Variants in TGFA observed in about 807,000 individuals in gnomAD.
The protein encoded by TGFA is protransforming growth factor alpha.
In TGFA, 12 loss-of-function variants were observed where a neutral mutation model predicts 21.7. The ratio of observed to expected loss-of-function variants is 0.55; its 90% confidence interval spans 0.35 to 0.90. The LOEUF (loss-of-function observed/expected upper bound fraction) is 0.90, where lower values mean the gene tolerates loss of function less well. Among genes scored for constraint, TGFA ranks in the 40% least tolerant of loss-of-function variants. TGFA has a pLI of 0.01. For synonymous variants in TGFA, 79 were observed against 88.1 expected, an observed-to-expected ratio of 0.90 and a Z score of 0.58; for missense variants, 178 against 210.8, an observed-to-expected ratio of 0.84 and a Z score of 0.96.
rs774574531 is a variant in TGFA, at chr2:70,449,853, C to T, written c.*1006G>A. The T allele has an allele frequency of 3.8e-4, 67 of 176,864 alleles. No homozygotes were observed. The highest frequency in any genetic ancestry group is 6.8e-4 in the Non-Finnish European group (56 of 82,580). 11.0% of individuals were successfully genotyped at this position (176,864 alleles called of 1,614,324 possible). On this transcript the variant is annotated 3_prime_UTR_variant, in exon 6 of 6. Transcript: ENST00000295400. Reference sequence around the variant, plus strand: ...CCGAGGGCTCACGAGGAAGTGAACCCATTTAATCACTGAGCAGTACAATAT... The same window carrying T: ...CCGAGGGCTCACGAGGAAGTGAACCTATTTAATCACTGAGCAGTACAATAT...
At chr2:70,518,860 G>A (rs1320878590) in intron 1 of TGFA, among the ~76,000 whole-genome samples, 3 of 152,170 alleles carry the variant, frequency 2.0e-5, no homozygotes, top group Non-Finnish European at 4.4e-5. Flanking sequence ...TTGCTTTCAG[G>A]CCCCTATGTA....
chr2:70,475,854 C>T (rs895358807), intron 2 of TGFA, among the ~76,000 whole-genome samples: 2 of 151,954 alleles, frequency 1.3e-5, no homozygotes, highest in African/African-American at 4.8e-5. Flanking sequence ...CTACCTCCCC[C>T]AAAAGGCACA....
intron 2 of TGFA, among the ~76,000 whole-genome samples, chr2:70,505,171 T>C (rs1671881902): frequency 6.6e-6 from 1 of 152,222 alleles, no homozygotes; most frequent in African/African-American, 2.4e-5. Context: ...TTGACCATTA[T>C]GTTTATTAAC....
intron 2 of TGFA, among the ~76,000 whole-genome samples, chr2:70,511,322 T>C (rs1365697495): frequency 9.2e-5 from 14 of 152,248 alleles, no homozygotes; most frequent in African/African-American, 3.1e-4. Flanking sequence ...TCACACCATT[T>C]ACATTTTTCT....
intron 3 of TGFA, among the ~76,000 whole-genome samples, chr2:70,460,601 G>A (rs1249089404): frequency 6.6e-6 from 1 of 152,188 alleles, no homozygotes; most frequent in Admixed American, 6.5e-5. Context: ...CTAGGACCAA[G>A]GGCACGTGTA....
In TGFA at chr2:70,449,184, TATAAAAAAAA is replaced by T. The variant is rs1456266878; in HGVS notation, c.*1665_*1674del. On this transcript the variant is annotated 3_prime_UTR_variant, in exon 6 of 6. Transcript: ENST00000295400. ...ACACGGGTCATAGAATTGTCTGAAT[TATAAAAAAAA>T]ATAAAGAGAAAATTCATAGAAATTG... 2 of 126,720 alleles carry T rather than the reference TATAAAAAAAA, an allele frequency of 1.6e-5. No homozygotes were observed. The highest frequency in any genetic ancestry group is 5.5e-5 in the African/African-American group (2 of 36,314). The allele number at this position is 126,720 out of a possible 1,614,324, so 7.8% of individuals were successfully genotyped here.
At chr2:70,521,055 G>A (rs1332387226) in intron 1 of TGFA, among the ~76,000 whole-genome samples, 2 of 151,824 alleles carry the variant, frequency 1.3e-5, no homozygotes, top group African/African-American at 4.8e-5. Context: ...CTCTCCCTGT[G>A]CTATCAAAAT....
At chr2:70,483,785 G>C (rs1671197263) in intron 2 of TGFA, among the ~76,000 whole-genome samples, 1 of 152,074 alleles carries the variant, frequency 6.6e-6, no homozygotes, top group Non-Finnish European at 1.5e-5. Context: ...CTGCCACCTA[G>C]GAGGCACTAA....
rs782601026 is a variant in TGFA, at chr2:70,465,736, G to T, written c.95C>A (p.Ala32Glu). The T allele has an allele frequency of 3.7e-6, 6 of 1,613,768 alleles. No homozygotes were observed. The highest frequency in any genetic ancestry group is 1.7e-5 in the Admixed American group (1 of 60,000). The change falls in exon 3 of 6, where the codon GCA (alanine) becomes GAA (glutamate). Residue 32 changes from alanine to glutamate, a missense_variant and splice_region_variant. Ala to Glu is a moderately radical substitution (Grantham distance 107, BLOSUM62 -1). Transcript: ENST00000295400. ...ALENSTSPLS[A>E]DPPVAAAVVS... is the part of the protein sequence containing the mutation. The stretch of plus-strand genomic sequence containing the variant: ...CACTGCTGCAGCCACGGGCGGGTCT[G>T]CTGGGGAGAGGAAAGATGCAGGGCT...
chr2:70,447,725 AT>A lies in TGFA; in HGVS notation c.*3133del, dbSNP rs1349340390. The stretch of plus-strand genomic sequence containing the variant: ...GAGAGAACAGGTCTTATGTTAGAAC[AT>A]TTAAAAATATACATGTTTGTCTTAC... On this transcript the variant is annotated 3_prime_UTR_variant, in exon 6 of 6. Transcript: ENST00000295400. 6.6e-6 allele frequency: 1 copy of A among 152,242 alleles called. No homozygotes were observed. The highest frequency in any genetic ancestry group is 1.5e-5 in the Non-Finnish European group (1 of 68,028). The allele number at this position is 152,242 out of a possible 1,614,324, so 9.4% of individuals were successfully genotyped here.
chr2:70,448,972 T>C lies in TGFA; in HGVS notation c.*1887A>G, dbSNP rs546632579. 1 of 152,310 alleles carries C rather than the reference T, an allele frequency of 6.6e-6. No homozygotes were observed. Among genetic ancestry groups the C allele is most frequent in the South Asian group, 2.1e-4 (1 of 4,832 alleles). 9.4% of individuals were successfully genotyped at this position (152,310 alleles called of 1,614,324 possible). A position where few individuals can be genotyped will look rare whatever the true frequency, so the allele number is the denominator to read the frequency against. On this transcript the variant is annotated 3_prime_UTR_variant, in exon 6 of 6. Coordinates refer to ENST00000295400, the MANE Select transcript of TGFA (RefSeq NM_003236.4). ...GGTCTAAAAACCAGTGTCCGTTGATTGGTCTCTAAGCAGGATGCTACAGTC... is the reference window on the plus strand; with the variant it reads ...GGTCTAAAAACCAGTGTCCGTTGATCGGTCTCTAAGCAGGATGCTACAGTC...
chr2:70,491,463 G>C (rs1251984270), intron 2 of TGFA, among the ~76,000 whole-genome samples: 2 of 152,232 alleles, frequency 1.3e-5, no homozygotes, highest in African/African-American at 2.4e-5. Context: ...CTCCACTCAA[G>C]ATGGCTCCAC....
chr2:70,467,606 C>T (rs1354601408), intron 2 of TGFA: 2 of 152,176 alleles, frequency 1.3e-5, no homozygotes, highest in Non-Finnish European at 2.9e-5. Flanking sequence ...AACAGGTCCT[C>T]TTATGCTTCT....
At chr2:70,465,000 C>T (rs2103695334) in intron 3 of TGFA, among the ~76,000 whole-genome samples, 1 of 152,354 alleles carries the variant, frequency 6.6e-6, no homozygotes, top group East Asian at 1.9e-4. Flanking sequence ...CCAGGTCCCA[C>T]TCCTGGAGAT....
intron 2 of TGFA, among the ~76,000 whole-genome samples, chr2:70,487,615 A>G (rs1553496899): frequency 6.6e-6 from 1 of 152,224 alleles, no homozygotes; most frequent in Admixed American, 6.5e-5. Context: ...AAAGAGGTTC[A>G]GATTGTGGAG....
rs542299579 is a variant in TGFA, at chr2:70,459,809, G to C, written c.216-3321C>G. Among the ~76,000 whole-genome samples, 168 of 152,192 alleles carry C rather than the reference G, an allele frequency of 1.1e-3. 1 individual carries two copies. The highest frequency in any genetic ancestry group is 1.9e-3 in the Non-Finnish European group (129 of 68,034). On this transcript the variant is annotated intron_variant, in intron 3 of 5. Coordinates refer to ENST00000295400, the MANE Select transcript of TGFA (RefSeq NM_003236.4). ...GCCAACAAGAATGCCTATCACTCTA[G>C]TGTTAATAGCTGCAAACGCTCAACT... is the stretch of plus-strand genomic sequence containing the variant.
intron 3 of TGFA, among the ~76,000 whole-genome samples, chr2:70,463,239 G>A (rs1427951906): frequency 6.6e-6 from 1 of 152,168 alleles, no homozygotes; most frequent in Non-Finnish European, 1.5e-5. Flanking sequence ...GTTGCGGTAT[G>A]CAGAGTGCTG....
intron 4 of TGFA, among the ~76,000 whole-genome samples, chr2:70,454,831 C>A (rs78302691): frequency 6.6e-6 from 1 of 152,166 alleles, no homozygotes; most frequent in South Asian, 2.1e-4. Context: ...TGTCTAGGCA[C>A]CTAGATCATT....
chr2:70,528,926 A>G (rs1192284121), intron 1 of TGFA, among the ~76,000 whole-genome samples: 2 of 152,148 alleles, frequency 1.3e-5, no homozygotes, highest in African/African-American at 4.8e-5. Context: ...TCCTTCTTAC[A>G]CTTCAGGAGA....
Sources: allele counts gnomAD v4.1 joint callset (sites outside exome capture counted in the v4.1 genomes callset), GRCh38; gene constraint gnomAD v4.1.1; transcripts MANE v1.5; gene names NCBI Gene and HGNC (gene_info 2026-07-23, HGNC 2026-07-21).